Variants in GALNTL6 observed in about 807,000 individuals in gnomAD.
GALNTL6 encodes the protein polypeptide N-acetylgalactosaminyltransferase-like 6.
Under a neutral mutation model 73.7 loss-of-function variants are expected in GALNTL6, and 46 were observed. That is an observed-to-expected ratio of 0.62 (90% CI 0.49 to 0.80). GALNTL6 has a LOEUF of 0.80. GALNTL6 is among the 30% of genes least tolerant of loss of function. The probability of loss-of-function intolerance (pLI) is 0.00; values close to 1 mark genes in which losing one functional copy is unlikely to be tolerated. For missense variants in GALNTL6, 604 were observed against 755.0 expected, an observed-to-expected ratio of 0.80 and a Z score of 2.34; for synonymous variants, 259 against 263.7, an observed-to-expected ratio of 0.98 and a Z score of 0.17.
At chr4:172,899,672 T>C (rs1292044798) in intron 8 of GALNTL6, among the ~76,000 whole-genome samples, 1 of 152,092 alleles carries the variant, frequency 6.6e-6, no homozygotes, top group African/African-American at 2.4e-5. Flanking sequence ...GGCAAACCCG[T>C]AGAGTACAGT....
chr4:172,378,661 GT>G (rs1415048097), intron 5 of GALNTL6, among the ~76,000 whole-genome samples: 6 of 151,956 alleles, frequency 3.9e-5, no homozygotes, highest in East Asian at 3.9e-4. Context: ...TACTCTAGAA[GT>G]TTTTTTATCC....
chr4:172,154,612 A>T (rs1434254859), intron 2 of GALNTL6, among the ~76,000 whole-genome samples: 4 of 152,142 alleles, frequency 2.6e-5, no homozygotes, highest in Admixed American at 2.0e-4. Flanking sequence ...CTCAAAAGGA[A>T]ATTTTCTTTT....
intron 7 of GALNTL6, among the ~76,000 whole-genome samples, chr4:172,876,982 G>T (rs888554822): frequency 6.6e-6 from 1 of 152,140 alleles, no homozygotes; most frequent in Admixed American, 6.5e-5. Flanking sequence ...AGTCCTGGGG[G>T]AAACTGTGCC....
In GALNTL6 at chr4:172,962,155, A is replaced by C. The variant is rs572851847; in HGVS notation, c.1371+9897A>C. Among the ~76,000 whole-genome samples, 4 of 152,276 alleles carry C rather than the reference A, an allele frequency of 2.6e-5. 1 individual carries two copies. In the South Asian group the frequency reaches 8.3e-4, roughly 32 times the overall value. On this transcript the variant is annotated intron_variant, in intron 10 of 12. Transcript: ENST00000506823. Reference sequence around the variant, plus strand: ...TGAGCCAGGATGAGCCAGGAAAATGAATTTCACCAGGTAATGTCATCAGTT... The same window carrying C: ...TGAGCCAGGATGAGCCAGGAAAATGCATTTCACCAGGTAATGTCATCAGTT...
chr4:171,866,232 A>G lies in GALNTL6; in HGVS notation c.138+51514A>G, dbSNP rs112822914. Among the ~76,000 whole-genome samples the G allele has an allele frequency of 4.7e-3, 711 of 152,230 alleles. 5 individuals carry two copies. The highest frequency in any genetic ancestry group is 0.016 in the African/African-American group (675 of 41,562). On this transcript the variant is annotated intron_variant, in intron 2 of 12. Transcript: ENST00000506823. ...CTGTATTATATAATGTCTTTCATAAATCCTCTAAGGTAATTGATATAATTC... is the reference window on the plus strand; with the variant it reads ...CTGTATTATATAATGTCTTTCATAAGTCCTCTAAGGTAATTGATATAATTC...
At chr4:172,801,963 T>A (rs563846134) in intron 5 of GALNTL6, among the ~76,000 whole-genome samples, 1 of 152,308 alleles carries the variant, frequency 6.6e-6, no homozygotes, top group South Asian at 2.1e-4. Flanking sequence ...AAATATATTT[T>A]CCCACTGAAT....
chr4:172,463,101 G>A (rs1407148305), intron 5 of GALNTL6, among the ~76,000 whole-genome samples: 1 of 152,072 alleles, frequency 6.6e-6, no homozygotes, highest in Non-Finnish European at 1.5e-5. Flanking sequence ...TTTGTAACTT[G>A]TATGCAGGAA....
At chr4:171,962,725 CATT>C (rs1484430483) in intron 2 of GALNTL6, among the ~76,000 whole-genome samples, 1 of 147,844 alleles carries the variant, frequency 6.8e-6, no homozygotes, top group African/African-American at 2.5e-5. Flanking sequence ...ATGGAGTAGC[CATT>C]ATTTATTCCT....
chr4:171,870,823 G>A (rs1451313506), intron 2 of GALNTL6, among the ~76,000 whole-genome samples: 2 of 152,164 alleles, frequency 1.3e-5, no homozygotes, highest in South Asian at 2.1e-4. Context: ...ATCTTCTAGA[G>A]CCTAGGAGGG....
intron 2 of GALNTL6, among the ~76,000 whole-genome samples, chr4:172,003,686 A>T (rs1740746263): frequency 6.6e-6 from 1 of 152,088 alleles, no homozygotes; most frequent in South Asian, 2.1e-4. Context: ...CCCCTTCGAA[A>T]GACCGTTTGG....
intron 2 of GALNTL6, among the ~76,000 whole-genome samples, chr4:171,833,477 A>C (rs895182046): frequency 1.3e-5 from 2 of 151,752 alleles, no homozygotes; most frequent in Non-Finnish European, 1.5e-5. Context: ...ACCTGGCTAA[A>C]ATCTTAATTA....
chr4:171,999,225 C>T (rs2135196), intron 2 of GALNTL6, among the ~76,000 whole-genome samples: 31,903 of 152,072 alleles, frequency 0.21, 4,294 homozygotes, highest in Non-Finnish European at 0.3. Context: ...TTTATGGAAA[C>T]AACAGTGGTG....
intron 5 of GALNTL6, among the ~76,000 whole-genome samples, chr4:172,522,544 C>T (rs535832208): frequency 3.0e-4 from 46 of 151,992 alleles, no homozygotes; most frequent in Non-Finnish European, 6.5e-4. Flanking sequence ...GTGGCAGATG[C>T]CTGTAATCCC....
intron 2 of GALNTL6, among the ~76,000 whole-genome samples, chr4:172,007,910 GA>G (rs1260394928): frequency 6.6e-6 from 1 of 151,878 alleles, no homozygotes; most frequent in African/African-American, 2.4e-5. Flanking sequence ...CTTTTTATTA[GA>G]TTTTTTTTTC....
intron 5 of GALNTL6, among the ~76,000 whole-genome samples, chr4:172,625,238 T>C (rs912898152): frequency 6.6e-6 from 1 of 152,054 alleles, no homozygotes; most frequent in African/African-American, 2.4e-5. Flanking sequence ...TTATCTACTG[T>C]TCCCATCTTT....
At chr4:172,526,335 C>T (rs2110832061) in intron 5 of GALNTL6, among the ~76,000 whole-genome samples, 1 of 152,316 alleles carries the variant, frequency 6.6e-6, no homozygotes, top group South Asian at 2.1e-4. Flanking sequence ...ATCCTCACGG[C>T]TTACAGACAG....
At chr4:172,084,845 T>C (rs988422516) in intron 2 of GALNTL6, among the ~76,000 whole-genome samples, 24 of 152,090 alleles carry the variant, frequency 1.6e-4, no homozygotes, top group Admixed American at 1.4e-3. Flanking sequence ...AGAAGGAGAA[T>C]AGACACAGCC....
At chr4:171,953,971 T>A (rs1738967245) in intron 2 of GALNTL6, among the ~76,000 whole-genome samples, 1 of 152,174 alleles carries the variant, frequency 6.6e-6, no homozygotes, top group Admixed American at 6.5e-5. Context: ...ACATATTAAC[T>A]GGCATAACAA....
At chr4:172,807,450 G>A (rs922608242) in intron 5 of GALNTL6, among the ~76,000 whole-genome samples, 2 of 152,148 alleles carry the variant, frequency 1.3e-5, no homozygotes, top group Non-Finnish European at 2.9e-5. Context: ...ATACATACAA[G>A]TGACTTACTA....
Sources: allele counts gnomAD v4.1 joint callset (sites outside exome capture counted in the v4.1 genomes callset), GRCh38; gene constraint gnomAD v4.1.1; transcripts MANE v1.5; gene names NCBI Gene and HGNC (gene_info 2026-07-23, HGNC 2026-07-21).